REEP5: variants seen among roughly 807,000 people sequenced by gnomAD.
REEP5 encodes receptor expression-enhancing protein 5.
A neutral mutation model predicts 22.4 loss-of-function variants in REEP5; 24 were observed. The ratio of observed to expected loss-of-function variants is 1.07; its 90% CI spans 0.78 to 1.51. The LOEUF is 1.51. Among genes scored for constraint, REEP5 ranks in the 40% most tolerant of loss-of-function variants. The probability of loss-of-function intolerance (pLI) is 0.00; values close to 1 mark genes in which losing one functional copy is unlikely to be tolerated. For missense variants in REEP5, 252 were observed against 233.0 expected, an observed-to-expected ratio of 1.08 and a Z score of -0.53; for synonymous variants, 103 against 88.6, an observed-to-expected ratio of 1.16 and a Z score of -0.92.
intron 4 of REEP5, 83 bp downstream of exon 4, chr5:112,886,932 A>T: frequency 2.8e-6 from 3 of 1,056,618 alleles, no homozygotes; most frequent in Non-Finnish European, 4.1e-6. Flanking sequence ...GTGATAAGAC[A>T]AGAAGGCCAG....
At chr5:112,921,334 G>T (rs1429768661) in intron 1 of REEP5, 78 bp from the exon 2 acceptor site, 1 of 1,370,228 alleles carries the variant, frequency 7.3e-7, no homozygotes, top group Non-Finnish European at 1.0e-6. Context: ...CACACCGCGA[G>T]GCTGGGCCTG....
intron 2 of REEP5, among the ~76,000 whole-genome samples, chr5:112,903,092 T>G (rs141909616): frequency 6.6e-6 from 1 of 152,318 alleles, no homozygotes; most frequent in South Asian, 2.1e-4. Context: ...TGGACTTTCC[T>G]CCTCTCCTCA....
At chr5:112,887,881 A>G (rs1197507541) in intron 3 of REEP5, among the ~76,000 whole-genome samples, 3 of 152,212 alleles carry the variant, frequency 2.0e-5, no homozygotes, top group Admixed American at 6.5e-5. Flanking sequence ...TGATTCAAAT[A>G]ATAAATACCA....
chr5:112,892,169 G>A lies in REEP5; in HGVS notation c.352-4986C>T, dbSNP rs371589323. On this transcript the variant is annotated intron_variant, in intron 3 of 4. Coordinates refer to ENST00000379638, the MANE Select transcript of REEP5 (RefSeq NM_005669.5). ...GTAATGGAGAAGGATCGAGCTAATT[G>A]TCCCTTCTACAGTAAAACAGGAGCT... The A allele has an allele frequency of 3.7e-5, 59 of 1,614,044 alleles. 1 individual carries two copies. In the African/African-American group the frequency reaches 7.1e-4, roughly 19 times the overall value.
intron 4 of REEP5, among the ~76,000 whole-genome samples, chr5:112,881,792 G>T (rs537657788): frequency 6.6e-6 from 1 of 151,986 alleles, no homozygotes; most frequent in African/African-American, 2.4e-5. Context: ...TAGAGACAGG[G>T]TCTCACTCTG....
chr5:112,890,578 A>T (rs1180737949), intron 3 of REEP5, among the ~76,000 whole-genome samples: 1 of 150,120 alleles, frequency 6.7e-6, no homozygotes, highest in African/African-American at 2.5e-5. Flanking sequence ...GGGTTTCGCC[A>T]TGTTGGCCGG....
intron 2 of REEP5, among the ~76,000 whole-genome samples, chr5:112,908,889 C>A (rs115748360): frequency 0.015 from 2,028 of 139,676 alleles, 15 homozygotes; most frequent in Middle Eastern, 0.04. Context: ...TTACAAATTT[C>A]TCTAACAATG....
At chr5:112,893,389 G>A (rs749970555) in intron 3 of REEP5, 2 of 187,274 alleles carry the variant, frequency 1.1e-5, no homozygotes, top group African/African-American at 2.4e-5. Flanking sequence ...CAGCCTGGGT[G>A]ACAGAGCGAG....
chr5:112,915,775 A>C (rs986239818), intron 2 of REEP5, among the ~76,000 whole-genome samples: 5 of 152,114 alleles, frequency 3.3e-5, no homozygotes, highest in Non-Finnish European at 7.4e-5. Flanking sequence ...GCACATATAG[A>C]TCCAGAGAGA....
Position 112,878,670 on chromosome 5 carries a change from T to C in REEP5, c.*116A>G. The stretch of plus-strand genomic sequence containing the variant: ...TTACAACACATTCCAATCTTTAATA[T>C]CTCAAAAATGTTTCCAAGGCAACAT... On this transcript the variant is annotated 3_prime_UTR_variant, in exon 5 of 5. Transcript: ENST00000379638. The C allele has an allele frequency of 1.4e-6, 2 of 1,419,502 alleles. No individual in the cohort carries two copies. Among genetic ancestry groups the C allele is most frequent in the South Asian group, 2.6e-5 (2 of 75,546 alleles). 87.9% of individuals were successfully genotyped at this position (1,419,502 alleles called of 1,614,324 possible).
At chr5:112,908,200 A>C (rs1769003411) in intron 2 of REEP5, among the ~76,000 whole-genome samples, 2 of 147,966 alleles carry the variant, frequency 1.4e-5, no homozygotes, top group Admixed American at 1.4e-4. Flanking sequence ...TCCCCAGTTC[A>C]AGCAATTCTC....
At chr5:112,892,460 A>G (rs776198819) in intron 3 of REEP5, 101 of 1,614,050 alleles carry the variant, frequency 6.3e-5, no homozygotes, top group Non-Finnish European at 8.1e-5. Context: ...CTGAGGGGCA[A>G]TGTATATGTT....
At chr5:112,905,122 A>G (rs1343700445) in intron 2 of REEP5, among the ~76,000 whole-genome samples, 4 of 152,194 alleles carry the variant, frequency 2.6e-5, no homozygotes, top group African/African-American at 7.2e-5. Flanking sequence ...TTTATGTGTC[A>G]TAACAATCAC....
At chr5:112,908,262 C>A (rs1192781457) in intron 2 of REEP5, among the ~76,000 whole-genome samples, 1 of 151,462 alleles carries the variant, frequency 6.6e-6, no homozygotes, top group Admixed American at 6.6e-5. Flanking sequence ...CACCACGCCC[C>A]GCTAGTTTTT....
chr5:112,917,887 G>T (rs796404050), intron 2 of REEP5, among the ~76,000 whole-genome samples: 2 of 152,240 alleles, frequency 1.3e-5, no homozygotes, highest in African/African-American at 4.8e-5. Flanking sequence ...GTTTCCCTTT[G>T]GGGTGATAAA....
chr5:112,876,799 GTTAAC>G lies in REEP5; in HGVS notation c.*1982_*1986del, dbSNP rs1184226758. 4 of 151,940 alleles carry G rather than the reference GTTAAC, an allele frequency of 2.6e-5. No individual in the cohort carries two copies. The highest frequency in any genetic ancestry group is 2.9e-5 in the Non-Finnish European group (2 of 68,004). 9.4% of individuals were successfully genotyped at this position (151,940 alleles called of 1,614,324 possible). On this transcript the variant is annotated 3_prime_UTR_variant, in exon 5 of 5. Transcript: ENST00000379638. Reference sequence around the variant, plus strand: ...ATTTACACTTAGACTGCCAGCAACAGTTAACTTAAATTTTGGTCTCAAGGGAACAA... The same window carrying G: ...ATTTACACTTAGACTGCCAGCAACAGTTAAATTTTGGTCTCAAGGGAACAA...
intron 2 of REEP5, among the ~76,000 whole-genome samples, chr5:112,904,309 C>G (rs1006365246): frequency 2.0e-5 from 3 of 152,102 alleles, no homozygotes; most frequent in African/African-American, 7.2e-5. Context: ...CACAGTATAT[C>G]CTTTATGTGT....
At chr5:112,910,880 C>T (rs1244995421) in intron 2 of REEP5, among the ~76,000 whole-genome samples, 2 of 152,206 alleles carry the variant, frequency 1.3e-5, no homozygotes, top group East Asian at 3.8e-4. Context: ...TGTCTTGACT[C>T]AGGGAAGCTA....
chr5:112,908,880 T>A (rs952011395), intron 2 of REEP5, among the ~76,000 whole-genome samples: 2 of 151,430 alleles, frequency 1.3e-5, no homozygotes, highest in South Asian at 4.2e-4. Flanking sequence ...TTTTTTTTTT[T>A]ACAAATTTCT....
Sources: allele counts gnomAD v4.1 joint callset (sites outside exome capture counted in the v4.1 genomes callset), GRCh38; gene constraint gnomAD v4.1.1; transcripts MANE v1.5; gene names NCBI Gene and HGNC (gene_info 2026-07-23, HGNC 2026-07-21).